Variants in BBS12 observed in about 807,000 individuals in gnomAD.
BBS12 encodes the protein chaperonin-containing T-complex member BBS12.
Under a neutral mutation model 5.6 loss-of-function variants are expected in BBS12, and 5 were observed. That is an observed-to-expected ratio of 0.89 (90% CI 0.46 to 1.86). BBS12 has a LOEUF of 1.86. Ranked by LOEUF, BBS12 falls within the 40% of genes most tolerant of loss-of-function variation. The pLI, the probability that BBS12 is intolerant of heterozygous loss-of-function variation, is 0.01. For missense variants in BBS12, 748 were observed against 830.4 expected (o/e 0.90, Z 1.22); for synonymous variants, 308 against 306.8 (o/e 1.00, Z -0.04).
intron 1 of BBS12, among the ~76,000 whole-genome samples, chr4:122,735,038 C>G (rs1468484650): frequency 6.6e-6 from 1 of 152,170 alleles, no homozygotes; most frequent in African/African-American, 2.4e-5. Flanking sequence ...ACTAAGGAAT[C>G]TACAGATTAG....
chr4:122,726,401 A>T, the BBS12 span, among the ~76,000 whole-genome samples: 1 of 152,182 alleles, frequency 6.6e-6, no homozygotes, highest in South Asian at 2.1e-4. Flanking sequence ...AACAATGACC[A>T]TAATCAAAAA....
upstream of BBS12, chr4:122,729,544 A>C (rs1800671658): frequency 6.6e-6 from 1 of 152,260 alleles, no homozygotes; most frequent in Non-Finnish European, 1.5e-5. Flanking sequence ...ATTTCTTATC[A>C]ATGGGCAACT....
chr4:122,720,368 T>G, the BBS12 span, among the ~76,000 whole-genome samples: 1 of 152,126 alleles, frequency 6.6e-6, no homozygotes, highest in Non-Finnish European at 1.5e-5. Flanking sequence ...CAAGAATGGC[T>G]TGAACCCAGG....
the BBS12 span, among the ~76,000 whole-genome samples, chr4:122,715,044 TGAAG>T: frequency 2.0e-5 from 3 of 151,898 alleles, no homozygotes; most frequent in Admixed American, 6.6e-5. Context: ...AATAAAGACT[TGAAG>T]GAGAATGACA....
upstream of BBS12, chr4:122,732,299 A>G (rs1578483178): frequency 6.6e-6 from 1 of 152,266 alleles, no homozygotes; most frequent in East Asian, 1.9e-4. Flanking sequence ...ATTTCCTACT[A>G]TAAAATGAAT....
intron 1 of BBS12, among the ~76,000 whole-genome samples, chr4:122,739,069 G>T (rs778554061): frequency 1.3e-5 from 2 of 152,236 alleles, no homozygotes; most frequent in Non-Finnish European, 2.9e-5. Context: ...TTAGAGTTAT[G>T]CAGTCAGAAG....
At chr4:122,704,489 A>G in the BBS12 span, among the ~76,000 whole-genome samples, 2 of 152,188 alleles carry the variant, frequency 1.3e-5, no homozygotes, top group African/African-American at 4.8e-5. Context: ...GCCTGCAATC[A>G]TCATCATCTC....
intron 1 of BBS12, among the ~76,000 whole-genome samples, chr4:122,735,200 G>T (rs1288337639): frequency 1.3e-5 from 2 of 152,120 alleles, no homozygotes; most frequent in Non-Finnish European, 2.9e-5. Context: ...AGGAAATGAG[G>T]CATTTGCGTT....
At chr4:122,711,419 T>A in the BBS12 span, among the ~76,000 whole-genome samples, 3 of 151,442 alleles carry the variant, frequency 2.0e-5, no homozygotes, top group African/African-American at 7.3e-5. Context: ...TTTCCACAAC[T>A]GGAATCACAG....
At chr4:122,704,477 A>T in the BBS12 span, among the ~76,000 whole-genome samples, 1 of 152,188 alleles carries the variant, frequency 6.6e-6, no homozygotes, top group Non-Finnish European at 1.5e-5. Context: ...TGGCGCCCAG[A>T]TGCCTGCAAT....
chr4:122,742,910 G>A lies in BBS12; in HGVS notation c.1018G>A (p.Val340Ile). The A allele has an allele frequency of 6.2e-7, 1 of 1,614,200 alleles. No individual in the cohort carries two copies. The highest frequency in any genetic ancestry group is 8.5e-7 in the Non-Finnish European group (1 of 1,180,034). ...TCCAGGATATATCACTGTTGTGTCA[G>A]TATCTAATAATCCTGTGATCAAGGA... is the stretch of plus-strand genomic sequence containing the variant. ...VCPGYITVVS[V>I]SNNPVIKELQ... Residue 340 changes from valine to isoleucine, a missense_variant, in exon 2 of 2, where the codon GTA (valine) becomes ATA (isoleucine). By Grantham distance (29) the Val-to-Ile change is conservative. Coordinates refer to ENST00000314218, the MANE Select transcript of BBS12 (RefSeq NM_152618.3).
chr4:122,739,452 G>T, intron 1 of BBS12, among the ~76,000 whole-genome samples: 1 of 152,224 alleles, frequency 6.6e-6, no homozygotes, highest in East Asian at 1.9e-4. Context: ...TTTGCATTAA[G>T]CAACCAAGAA....
the BBS12 span, among the ~76,000 whole-genome samples, chr4:122,724,405 C>T: frequency 6.6e-6 from 1 of 152,098 alleles, no homozygotes. Flanking sequence ...GGAGGAGAAA[C>T]ATAGAGAACT....
At chr4:122,712,507 C>G in the BBS12 span, among the ~76,000 whole-genome samples, 4 of 152,202 alleles carry the variant, frequency 2.6e-5, no homozygotes, top group Non-Finnish European at 5.9e-5. Context: ...AATGGTTGAG[C>G]AATAACCAGT....
chr4:122,744,444 C>G lies in BBS12; in HGVS notation c.*419C>G, dbSNP rs1800956183. ...TTATAGTAAGCAAAAAAATCCTGGT[C>G]TTTGTCCAAAGGGAGTTATTACCCC... is the stretch of plus-strand genomic sequence containing the variant. On this transcript the variant is annotated 3_prime_UTR_variant, in exon 2 of 2. Transcript: ENST00000314218. The G allele has an allele frequency of 5.3e-6, 1 of 188,766 alleles. No individual in the cohort carries two copies. Among genetic ancestry groups the G allele is most frequent in the Non-Finnish European group, 1.2e-5 (1 of 82,338 alleles). 11.7% of individuals were successfully genotyped at this position (188,766 alleles called of 1,614,324 possible). A position where few individuals can be genotyped will look rare whatever the true frequency, so the allele number is the denominator to read the frequency against.
chr4:122,730,542 G>A (rs930355828), upstream of BBS12: 54 of 152,118 alleles, frequency 3.5e-4, no homozygotes, highest in African/African-American at 1.2e-3. Flanking sequence ...CTAAAACAAC[G>A]CTATTAATAA....
chr4:122,733,940 A>G (rs1800746012), intron 1 of BBS12: 1 of 147,564 alleles, frequency 6.8e-6, no homozygotes, highest in African/African-American at 2.5e-5. Flanking sequence ...GCATTCTTGA[A>G]GCACTCTGTC....
chr4:122,722,272 G>A, the BBS12 span, among the ~76,000 whole-genome samples: 121 of 152,180 alleles, frequency 8.0e-4, no homozygotes, highest in African/African-American at 2.5e-3. Flanking sequence ...CTATTCCACC[G>A]GTCCACTAGT....
chr4:122,716,643 A>G, the BBS12 span, among the ~76,000 whole-genome samples: 24 of 74,924 alleles, frequency 3.2e-4, no homozygotes, highest in Middle Eastern at 8.5e-3. Flanking sequence ...GTATATACAC[A>G]CGTGTGTGTA....
Sources: allele counts gnomAD v4.1 joint callset (sites outside exome capture counted in the v4.1 genomes callset), GRCh38; gene constraint gnomAD v4.1.1; transcripts MANE v1.5; gene names NCBI Gene and HGNC (gene_info 2026-07-23, HGNC 2026-07-21).